Variants in PRTG observed in about 807,000 individuals in gnomAD.
PRTG encodes protogenin.
Under a neutral mutation model 122.5 loss-of-function variants are expected in PRTG, and 67 were observed. The observed-to-expected ratio is 0.55, with a 90% CI of 0.45 to 0.67. The LOEUF (loss-of-function observed/expected upper bound fraction) is 0.67. Ranked by LOEUF, PRTG falls within the 30% of genes least tolerant of loss-of-function variation. The probability of loss-of-function intolerance (pLI) is 0.00; values close to 1 mark genes in which losing one functional copy is unlikely to be tolerated. For synonymous variants in PRTG, 554 were observed against 501.1 expected (o/e 1.11, Z -1.41); for missense variants, 1,435 against 1,415.4 (o/e 1.01, Z -0.22).
At chr15:55,646,429 T>C (rs1042035473) in intron 11 of PRTG, among the ~76,000 whole-genome samples, 1 of 151,836 alleles carries the variant, frequency 6.6e-6, no homozygotes, top group Non-Finnish European at 1.5e-5. Context: ...TTCACGCCAT[T>C]CTCCTGCCTC....
Position 55,622,213 on chromosome 15 carries a change from CTTG to C in PRTG, c.3094-1449_3094-1447del, listed in dbSNP as rs1431021500. Among the ~76,000 whole-genome samples the C allele has an allele frequency of 4.3e-5, 5 of 116,918 alleles. No homozygotes were observed. The Admixed American group carries it at 4.5e-4, about 11-fold the overall frequency. 76.7% of individuals were successfully genotyped at this position (116,918 alleles called of 152,430 possible). A position where few individuals can be genotyped will look rare whatever the true frequency, so the allele number is the denominator to read the frequency against. On this transcript the variant is annotated intron_variant, in intron 18 of 19. Coordinates refer to ENST00000389286, the MANE Select transcript of PRTG (RefSeq NM_173814.6). ...ATACAATCACAGTTACATATTAGTACTTGTTTTTTTTTTTTTTTTTTTGAGACA... is the reference window on the plus strand; with the variant it reads ...ATACAATCACAGTTACATATTAGTACTTTTTTTTTTTTTTTTTTTGAGACA...
intron 11 of PRTG, among the ~76,000 whole-genome samples, chr15:55,657,657 T>C (rs989680553): frequency 6.6e-6 from 1 of 152,226 alleles, no homozygotes; most frequent in Admixed American, 6.5e-5. Context: ...TAAAATATCC[T>C]GTGTCCCATA....
chr15:55,704,535 T>TTA (rs923097129), intron 2 of PRTG, among the ~76,000 whole-genome samples: 6 of 152,148 alleles, frequency 3.9e-5, no homozygotes, highest in African/African-American at 9.7e-5. Context: ...CTTCATCGTT[T>TTA]TATATATATA....
chr15:55,647,200 A>G (rs1454373518), intron 11 of PRTG, among the ~76,000 whole-genome samples: 1 of 152,094 alleles, frequency 6.6e-6, no homozygotes, highest in East Asian at 1.9e-4. Context: ...GAATCGCTTG[A>G]ACCCAGGAGG....
At chr15:55,733,611 G>A (rs1181175716) in intron 2 of PRTG, among the ~76,000 whole-genome samples, 1 of 151,508 alleles carries the variant, frequency 6.6e-6, no homozygotes, top group Non-Finnish European at 1.5e-5. Flanking sequence ...AGGAATGCTT[G>A]AGCCCAGGAG....
chr15:55,665,403 C>T (rs1039874346), intron 11 of PRTG, among the ~76,000 whole-genome samples: 1 of 152,026 alleles, frequency 6.6e-6, no homozygotes. Context: ...TGGGACTGCA[C>T]TTTGAGAAGC....
At chr15:55,739,101 T>C (rs1366670458) in intron 2 of PRTG, among the ~76,000 whole-genome samples, 1 of 152,160 alleles carries the variant, frequency 6.6e-6, no homozygotes, top group Admixed American at 6.5e-5. Flanking sequence ...CAATTTATTT[T>C]CTACAATTAA....
chr15:55,664,657 G>A (rs532533659), intron 11 of PRTG, among the ~76,000 whole-genome samples: 85 of 152,044 alleles, frequency 5.6e-4, no homozygotes, highest in African/African-American at 2.0e-3. Context: ...GATGCAAATG[G>A]CTCGCTGCTA....
Position 55,680,231 on chromosome 15 carries a change from T to C in PRTG, c.815-19A>G, listed in dbSNP as rs1184878913. 6.3e-7 allele frequency: 1 copy of C among 1,586,866 alleles called. No individual in the cohort carries two copies. The highest frequency in any genetic ancestry group is 1.1e-5 in the South Asian group (1 of 89,708). ...TTGTGATCTATTTCAAAGAGAATACTTCAGTTTAAACAATGTAACAAATAA... is the reference window on the plus strand; with the variant it reads ...TTGTGATCTATTTCAAAGAGAATACCTCAGTTTAAACAATGTAACAAATAA... On this transcript the variant is annotated intron_variant, in intron 5 of 19. Coordinates refer to ENST00000389286, the MANE Select transcript of PRTG (RefSeq NM_173814.6).
intron 2 of PRTG, among the ~76,000 whole-genome samples, chr15:55,690,341 A>T (rs2059593840): frequency 1.3e-5 from 2 of 152,162 alleles, no homozygotes; most frequent in Admixed American, 6.5e-5. Context: ...CAAGGATCTA[A>T]TGAGGAACAA....
chr15:55,618,683 A>G lies in PRTG; in HGVS notation c.*1329T>C, dbSNP rs2141703813. On this transcript the variant is annotated 3_prime_UTR_variant, in exon 20 of 20. Coordinates refer to ENST00000389286, the MANE Select transcript of PRTG (RefSeq NM_173814.6). The stretch of plus-strand genomic sequence containing the variant: ...TCTCTAAAGAATTCAAGAAAACACA[A>G]GTAGGGTGGTAGAACTCTGAATATT... 1 of 152,312 alleles carries G rather than the reference A, an allele frequency of 6.6e-6. No individual in the cohort carries two copies. The highest frequency in any genetic ancestry group is 2.1e-4 in the South Asian group (1 of 4,828). The allele number at this position is 152,312 out of a possible 1,614,324, so 9.4% of individuals were successfully genotyped here. A position where few individuals can be genotyped will look rare whatever the true frequency, so the allele number is the denominator to read the frequency against.
intron 11 of PRTG, among the ~76,000 whole-genome samples, chr15:55,647,930 G>A (rs886837238): frequency 6.6e-6 from 1 of 152,152 alleles, no homozygotes; most frequent in African/African-American, 2.4e-5. Context: ...GTTGGCTTGC[G>A]TATACTATTG....
chr15:55,671,682 G>T (rs1255762647), intron 11 of PRTG, among the ~76,000 whole-genome samples: 1 of 151,936 alleles, frequency 6.6e-6, no homozygotes, highest in African/African-American at 2.4e-5. Context: ...TATTTTTTTA[G>T]TAGAGACAGG....
chr15:55,698,558 TG>T (rs1317121364), intron 2 of PRTG, among the ~76,000 whole-genome samples: 1 of 152,162 alleles, frequency 6.6e-6, no homozygotes, highest in Non-Finnish European at 1.5e-5. Context: ...CCCAAAGTGC[TG>T]GGATTACAGG....
intron 2 of PRTG, among the ~76,000 whole-genome samples, chr15:55,685,941 A>T (rs1401523776): frequency 6.6e-6 from 1 of 152,148 alleles, no homozygotes; most frequent in Non-Finnish European, 1.5e-5. Flanking sequence ...ACTAACATTG[A>T]GCTACTTTTC....
At chr15:55,694,533 TATATA>T (rs2059621601) in intron 2 of PRTG, among the ~76,000 whole-genome samples, 3 of 152,250 alleles carry the variant, frequency 2.0e-5, no homozygotes, top group South Asian at 4.1e-4. Flanking sequence ...AAAAACAAAT[TATATA>T]ATATTTTATA....
intron 2 of PRTG, among the ~76,000 whole-genome samples, chr15:55,731,034 T>C (rs1206588307): frequency 6.6e-6 from 1 of 152,238 alleles, no homozygotes; most frequent in African/African-American, 2.4e-5. Flanking sequence ...TTAAGGAATC[T>C]TAAATTTCTC....
intron 2 of PRTG, among the ~76,000 whole-genome samples, chr15:55,685,183 A>G (rs1168555331): frequency 6.6e-6 from 1 of 152,176 alleles, no homozygotes; most frequent in African/African-American, 2.4e-5. Flanking sequence ...AATAGAGGTA[A>G]TAGGGCTACA....
At chr15:55,626,837 C>T (rs577509875) in intron 17 of PRTG, among the ~76,000 whole-genome samples, 171 bp downstream of exon 17, 1 of 152,284 alleles carries the variant, frequency 6.6e-6, no homozygotes, top group South Asian at 2.1e-4. Flanking sequence ...TAATCTCCCT[C>T]TAAAATGAGC....
Sources: gnomAD v4.1 joint callset for allele counts (sites outside exome capture counted in the v4.1 genomes callset) on GRCh38, gnomAD v4.1.1 for gene constraint, MANE v1.5 for transcripts, NCBI Gene and HGNC (gene_info 2026-07-23, HGNC 2026-07-21) for gene names.